RNF111: variants seen among roughly 807,000 people sequenced by gnomAD.
The protein encoded by RNF111 is ring finger protein 111.
RNF111 carries 17 observed loss-of-function variants against 95.1 expected under a neutral mutation model. The ratio of observed to expected loss-of-function variants is 0.18; its 90% CI spans 0.12 to 0.27. The LOEUF (loss-of-function observed/expected upper bound fraction) is 0.27, where lower values mean the gene tolerates loss of function less well. Among genes scored for constraint, RNF111 ranks in the 10% least tolerant of loss-of-function variants. The probability of loss-of-function intolerance (pLI) is 1.00; values close to 1 mark genes in which losing one functional copy is unlikely to be tolerated. For synonymous variants in RNF111, 440 were observed against 414.8 expected (o/e 1.06, Z -0.74); for missense variants, 1,189 against 1,210.4 (o/e 0.98, Z 0.26).
chr15:59,013,035 G>A (rs1165068792), intron 1 of RNF111, among the ~76,000 whole-genome samples: 3 of 152,112 alleles, frequency 2.0e-5, no homozygotes, highest in African/African-American at 2.4e-5. Flanking sequence ...CACCGCGACC[G>A]GCCTGGTTCC....
intron 2 of RNF111, chr15:59,050,220 A>G (rs1409506400): frequency 2.6e-5 from 4 of 152,070 alleles, no homozygotes; most frequent in Admixed American, 6.6e-5. Flanking sequence ...TAGCACCACC[A>G]TGCTCGACTA....
At chr15:59,058,993 A>G (rs1488726744) in intron 5 of RNF111, among the ~76,000 whole-genome samples, 2 of 152,172 alleles carry the variant, frequency 1.3e-5, no homozygotes, top group Admixed American at 6.5e-5. Context: ...AAACTGCCCA[A>G]CAGGCCGGGT....
In RNF111 at chr15:59,096,897, C is replaced by T. The variant is rs34338282; in HGVS notation, c.*1997C>T. 0.28 allele frequency: 43,021 copies of T among 152,056 alleles called. 6,199 individuals carry two copies. The highest frequency in any genetic ancestry group is 0.45 in the East Asian group (2,334 of 5,174). 9.4% of individuals were successfully genotyped at this position (152,056 alleles called of 1,614,324 possible). The stretch of plus-strand genomic sequence containing the variant: ...AGTCCTCTTGACGTTCCCCCAGATA[C>T]AAGTAAAGCACAGGTGGATTTCTCT... On this transcript the variant is annotated 3_prime_UTR_variant, in exon 14 of 14. Coordinates refer to ENST00000348370, the MANE Select transcript of RNF111 (RefSeq NM_017610.8).
At chr15:59,070,463 A>G (rs944584570) in intron 6 of RNF111, among the ~76,000 whole-genome samples, 1 of 152,198 alleles carries the variant, frequency 6.6e-6, no homozygotes, top group Non-Finnish European at 1.5e-5. Context: ...ATTCTAGTCC[A>G]TTTGCTAATT....
chr15:59,085,060 T>C (rs754229173), intron 9 of RNF111, among the ~76,000 whole-genome samples: 2 of 152,214 alleles, frequency 1.3e-5, no homozygotes, highest in African/African-American at 2.4e-5. Context: ...GAAGCAGATT[T>C]TCATTAGATT....
chr15:59,054,345 A>G (rs2042118543), intron 3 of RNF111, among the ~76,000 whole-genome samples: 1 of 152,142 alleles, frequency 6.6e-6, no homozygotes. Context: ...AGACTTCCTC[A>G]TACATTCATG....
intron 6 of RNF111, among the ~76,000 whole-genome samples, chr15:59,070,333 CT>C (rs570195413): frequency 2.6e-5 from 4 of 151,974 alleles, no homozygotes; most frequent in Non-Finnish European, 5.9e-5. Context: ...TTTATTTTCC[CT>C]TTATTCTTTA....
intron 13 of RNF111, 94 bp from the exon 14 acceptor site, chr15:59,094,689 C>G: frequency 4.0e-6 from 3 of 752,842 alleles, no homozygotes; most frequent in Admixed American, 1.9e-5. Context: ...TTAGTACCTT[C>G]AAAACATTAT....
At chr15:59,065,266 TA>T (rs1170966748) in intron 5 of RNF111, among the ~76,000 whole-genome samples, 2 of 152,210 alleles carry the variant, frequency 1.3e-5, no homozygotes, top group African/African-American at 4.8e-5. Flanking sequence ...AAATCTCTTT[TA>T]TATAGTTTCC....
Position 59,051,811 on chromosome 15 carries a change from A to G in RNF111, c.881-494A>G, listed in dbSNP as rs1042416414. Among the ~76,000 whole-genome samples, 7 of 151,016 alleles carry G rather than the reference A, an allele frequency of 4.6e-5. No individual in the cohort carries two copies. The East Asian group carries it at 9.6e-4, about 21-fold the overall frequency. On this transcript the variant is annotated intron_variant, in intron 2 of 13. Coordinates refer to ENST00000348370, the MANE Select transcript of RNF111 (RefSeq NM_017610.8). ...TAAATAAATAAATAAATAAATGAAT[A>G]AATAAACAAATGACAAATTTCATAA...
chr15:59,051,389 C>CAGA (rs2041973644), intron 2 of RNF111, among the ~76,000 whole-genome samples: 1 of 147,144 alleles, frequency 6.8e-6, no homozygotes, highest in African/African-American at 2.5e-5. Flanking sequence ...ACCCAGGAGG[C>CAGA]GGAGCTTGCA....
intron 10 of RNF111, among the ~76,000 whole-genome samples, chr15:59,089,354 G>C (rs1366879940): frequency 6.6e-6 from 1 of 152,148 alleles, no homozygotes; most frequent in African/African-American, 2.4e-5. Flanking sequence ...TTGGAAAATT[G>C]TGTGCATTTT....
chr15:59,060,114 C>T (rs2042369748), intron 5 of RNF111, among the ~76,000 whole-genome samples: 2 of 152,052 alleles, frequency 1.3e-5, no homozygotes, highest in South Asian at 4.1e-4. Flanking sequence ...CTCAGGTGAT[C>T]CTCCTACCTC....
intron 8 of RNF111, among the ~76,000 whole-genome samples, chr15:59,082,270 TA>T (rs1229270644): frequency 6.6e-6 from 1 of 151,984 alleles, no homozygotes; most frequent in African/African-American, 2.4e-5. Flanking sequence ...GCAAACCAAT[TA>T]AAAAAAAGTA....
intron 2 of RNF111, among the ~76,000 whole-genome samples, chr15:59,049,893 C>G (rs1254286206): frequency 2.0e-5 from 3 of 150,360 alleles, no homozygotes; most frequent in Non-Finnish European, 4.4e-5. Context: ...AGGTGCGTGC[C>G]ACCACACCCG....
At chr15:59,018,907 CTG>C (rs1179591720) in intron 1 of RNF111, among the ~76,000 whole-genome samples, 2 of 151,802 alleles carry the variant, frequency 1.3e-5, no homozygotes, top group African/African-American at 2.4e-5. Flanking sequence ...GTGCATATAA[CTG>C]TATATTTGTT....
At chr15:59,061,304 A>G (rs1374987269) in intron 5 of RNF111, among the ~76,000 whole-genome samples, 2 of 152,132 alleles carry the variant, frequency 1.3e-5, no homozygotes, top group African/African-American at 4.8e-5. Flanking sequence ...TATGTTCTCC[A>G]CAACCCGTCC....
At position 58,996,632 on chromosome 15, in the gene RNF111, A is replaced by AAAC. The variant is rs541845729; in HGVS notation, c.-20+8565_-20+8567dup. On this transcript the variant is annotated intron_variant, in intron 1 of 13. Transcript: ENST00000348370. ...AAACAGAATTTTTGTATGTGATTGA[A>AAAC]AACTCATCAGTACTTTCTTTTTTTT... Among the ~76,000 whole-genome samples the AAAC allele has an allele frequency of 3.1e-3, 445 of 141,444 alleles. 4 individuals carry two copies. The highest frequency in any genetic ancestry group is 0.011 in the African/African-American group (428 of 38,764). 92.8% of individuals were successfully genotyped at this position (141,444 alleles called of 152,430 possible).
chr15:59,033,890 A>G (rs191372892), intron 2 of RNF111, among the ~76,000 whole-genome samples: 5 of 152,346 alleles, frequency 3.3e-5, no homozygotes, highest in South Asian at 2.1e-4. Flanking sequence ...AACCAAGTAC[A>G]TTCAATGTTT....
Sources: allele counts gnomAD v4.1 joint callset (sites outside exome capture counted in the v4.1 genomes callset), GRCh38; gene constraint gnomAD v4.1.1; transcripts MANE v1.5; gene names NCBI Gene and HGNC (gene_info 2026-07-23, HGNC 2026-07-21).